Variants in ITIH2 observed in about 807,000 individuals in gnomAD.
ITIH2 encodes the protein inter-alpha-trypsin inhibitor heavy chain 2, also known as inter-alpha-trypsin inhibitor heavy chain H2.
ITIH2 carries 103 observed loss-of-function variants against 104.4 expected under a neutral mutation model. The ratio of observed to expected loss-of-function variants is 0.99; its 90% confidence interval spans 0.84 to 1.16. ITIH2 has a LOEUF of 1.16. Among genes scored for constraint, ITIH2 ranks in the 50% most tolerant of loss-of-function variants. ITIH2 has a pLI of 0.00. For missense variants in ITIH2, 1,108 were observed against 1,162.4 expected, an observed-to-expected ratio of 0.95 and a Z score of 0.68; for synonymous variants, 436 against 435.4, an observed-to-expected ratio of 1.00 and a Z score of -0.02.
At position 7,720,889 on chromosome 10, in the gene ITIH2, A is replaced by G. The variant is rs1554765721; in HGVS notation, c.664A>G (p.Arg222Gly). The change falls in exon 7 of 21, where the codon AGA (arginine) becomes GGA (glycine). Residue 222 changes from arginine to glycine, a missense_variant. Transcript: ENST00000358415. ...GTGGGTTATCGAACCACAGGGACTG[A>G]GATTTCTTCATGTTCCCGACACATT... ...DVWVIEPQGL[R>G]FLHVPDTFEG... 6.2e-7 allele frequency: 1 copy of G among 1,613,532 alleles called. No homozygotes were observed. Among genetic ancestry groups the G allele is most frequent in the Non-Finnish European group, 8.5e-7 (1 of 1,179,464 alleles).
Position 7,731,912 on chromosome 10 carries a change from C to T in ITIH2, c.1563C>T (p.Tyr521=). 1 of 1,613,938 alleles carries T rather than the reference C, an allele frequency of 6.2e-7. No individual in the cohort carries two copies. The highest frequency in any genetic ancestry group is 8.5e-7 in the Non-Finnish European group (1 of 1,179,824). The change falls in exon 13 of 21, where the codon TAC becomes TAT. Residue 521 remains tyrosine, a synonymous_variant. Coordinates refer to ENST00000358415, the MANE Select transcript of ITIH2 (RefSeq NM_002216.3). ...TCACTCAAAACAATTTCCATAACTACTTTGGAGGCTCAGAGATTGTGGTGG... is the reference window on the plus strand; with the variant it reads ...TCACTCAAAACAATTTCCATAACTATTTTGGAGGCTCAGAGATTGTGGTGG... The part of the protein sequence containing the change: ...TDVTQNNFHN[Y]FGGSEIVVAG...
At position 7,732,339 on chromosome 10, in the gene ITIH2, C is replaced by T. The variant is rs763491223; in HGVS notation, c.1649C>T (p.Ala550Val). ...TCAACTGAACCTTCCATCATCTAGG[C>T]TAACACGCAGTTAGTCTTGGAGACC... The part of the protein sequence containing the change: ...QIESVITATS[A>V]NTQLVLETLA... The change falls in exon 14 of 21, where the codon GCT (alanine) becomes GTT (valine). Residue 550 changes from alanine (A) to valine (V), a missense_variant and splice_region_variant. Ala to Val is a moderately conservative substitution (Grantham distance 64). Coordinates refer to ENST00000358415, the MANE Select transcript of ITIH2 (RefSeq NM_002216.3). 1 of 1,613,196 alleles carries T rather than the reference C, an allele frequency of 6.2e-7. No individual in the cohort carries two copies. The highest frequency in any genetic ancestry group is 1.3e-5 in the African/African-American group (1 of 75,038).
chr10:7,745,818 A>G (rs1261178991), intron 19 of ITIH2, among the ~76,000 whole-genome samples: 1 of 151,258 alleles, frequency 6.6e-6, no homozygotes, highest in African/African-American at 2.4e-5. Context: ...GCAGTGGCGC[A>G]ATCTCGGCTC....
chr10:7,732,488 A>G lies in ITIH2; in HGVS notation c.1787+11A>G, dbSNP rs756554348. 1.2e-6 allele frequency: 2 copies of G among 1,609,214 alleles called. No individual in the cohort carries two copies. The highest frequency in any genetic ancestry group is 1.7e-6 in the Non-Finnish European group (2 of 1,175,856). ...ACTGCTAGCTGAACGGTAAGAAGAG[A>G]AGAGTACCCACACCACGAGATCTGC... On this transcript the variant is annotated intron_variant, in intron 14 of 20. Coordinates refer to ENST00000358415, the MANE Select transcript of ITIH2 (RefSeq NM_002216.3).
chr10:7,708,775 C>T (rs993299877), intron 3 of ITIH2, among the ~76,000 whole-genome samples: 1 of 152,106 alleles, frequency 6.6e-6, no homozygotes, highest in East Asian at 1.9e-4. Flanking sequence ...TTTATAGACT[C>T]ATAGGGCTGA....
At chr10:7,707,803 G>A (rs560055657) in intron 3 of ITIH2, among the ~76,000 whole-genome samples, 8 of 152,272 alleles carry the variant, frequency 5.3e-5, no homozygotes, top group African/African-American at 1.9e-4. Flanking sequence ...GACCTCGGGT[G>A]ATCCACCTCC....
chr10:7,735,226 C>T (rs561223254), intron 15 of ITIH2, 135 bp downstream of exon 15: 1 of 682,178 alleles, frequency 1.5e-6, no homozygotes, highest in Non-Finnish European at 2.3e-6. Flanking sequence ...TGTGCCCAAG[C>T]TCTTCCTGCC....
chr10:7,744,135 C>T lies in ITIH2; in HGVS notation c.2263C>T (p.Leu755=). The T allele has an allele frequency of 6.2e-7, 1 of 1,614,064 alleles. No individual in the cohort carries two copies. Residue 755 remains leucine (L), a synonymous_variant, in exon 18 of 21, where the codon CTA becomes TTA. Coordinates refer to ENST00000358415, the MANE Select transcript of ITIH2 (RefSeq NM_002216.3). The part of the protein sequence containing the change: ...VGAKKPNNGK[L]STYFGKLGFY... The stretch of plus-strand genomic sequence containing the variant: ...TGCCAAGAAGCCCAACAATGGAAAA[C>T]TAAGCACCTATTTTGGAAAACTGGG...
intron 8 of ITIH2, among the ~76,000 whole-genome samples, chr10:7,722,267 CTT>C (rs1834911549): frequency 6.6e-6 from 1 of 152,052 alleles, no homozygotes; most frequent in Admixed American, 6.5e-5. Context: ...GGTGAGGACT[CTT>C]AGAACGTACG....
At chr10:7,734,643 C>T (rs968818417) in intron 14 of ITIH2, among the ~76,000 whole-genome samples, 6 of 152,036 alleles carry the variant, frequency 3.9e-5, no homozygotes, top group Non-Finnish European at 5.9e-5. Flanking sequence ...TGCAGAGAAC[C>T]GTGATTGTGC....
At position 7,743,376 on chromosome 10, in the gene ITIH2, T is replaced by G. The variant is rs117938968; in HGVS notation, c.2209+117T>G. 2,983 of 595,984 alleles carry G rather than the reference T, an allele frequency of 5.0e-3. 73 individuals carry two copies. Among genetic ancestry groups the G allele is most frequent in the East Asian group, 0.046 (1,462 of 31,864 alleles). 36.9% of individuals were successfully genotyped at this position (595,984 alleles called of 1,614,324 possible). ...GAAGTTCTATATATTTCAGTGATAT[T>G]AGTGAGAAATTAAATTATAAATATA... On this transcript the variant is annotated intron_variant, in intron 17 of 20. Transcript: ENST00000358415.
At chr10:7,749,094 C>T in intron 20 of ITIH2, 93 bp from the exon 21 acceptor site, 5 of 1,307,874 alleles carry the variant, frequency 3.8e-6, no homozygotes, top group Middle Eastern at 2.2e-4. Flanking sequence ...GATGTGGTGA[C>T]AGAAGGAACA....
At position 7,727,689 on chromosome 10, in the gene ITIH2, T is replaced by G; in HGVS notation, c.1154-14T>G. The G allele has an allele frequency of 1.2e-6, 2 of 1,613,798 alleles. No homozygotes were observed. Among genetic ancestry groups the G allele is most frequent in the Non-Finnish European group, 1.7e-6 (2 of 1,179,756 alleles). On this transcript the variant is annotated splice_polypyrimidine_tract_variant and intron_variant, in intron 10 of 20. Transcript: ENST00000358415. ...AGAACGCATACCCAACGTTTCATTA[T>G]GCTACTTCAACAGGCACAAACATCA... is the stretch of plus-strand genomic sequence containing the variant.
At chr10:7,743,373 T>C (rs1319981067) in intron 17 of ITIH2, 114 bp downstream of exon 17, 2 of 609,006 alleles carry the variant, frequency 3.3e-6, no homozygotes, top group Non-Finnish European at 5.8e-6. Context: ...ATTTCAGTGA[T>C]ATTAGTGAGA....
In ITIH2 at chr10:7,721,631, T is replaced by G; in HGVS notation, c.739-18T>G. The G allele has an allele frequency of 1.2e-6, 2 of 1,611,230 alleles. No homozygotes were observed. The highest frequency in any genetic ancestry group is 1.7e-6 in the Non-Finnish European group (2 of 1,178,158). On this transcript the variant is annotated intron_variant, in intron 7 of 20. Coordinates refer to ENST00000358415, the MANE Select transcript of ITIH2 (RefSeq NM_002216.3). ...AAGGGGCTAGAGGCAGAGGCTCTGATGTCACCGTTCTTTCTAGGCGCACGT... is the reference window on the plus strand; with the variant it reads ...AAGGGGCTAGAGGCAGAGGCTCTGAGGTCACCGTTCTTTCTAGGCGCACGT...
chr10:7,731,320 CA>C (rs1564303680), intron 12 of ITIH2, among the ~76,000 whole-genome samples: 1 of 152,206 alleles, frequency 6.6e-6, no homozygotes, highest in African/African-American at 2.4e-5. Flanking sequence ...ATGTTCTCAA[CA>C]AGTCTTTGTC....
In ITIH2 at chr10:7,738,799, G is replaced by A. The variant is rs553103141; in HGVS notation, c.2095+41G>A. ...TGCTTGCACGTCCCAGAACTCAGCCGACCATAATCCTGGGAAGCATTGTGT... is the reference window on the plus strand; with the variant it reads ...TGCTTGCACGTCCCAGAACTCAGCCAACCATAATCCTGGGAAGCATTGTGT... On this transcript the variant is annotated intron_variant, in intron 16 of 20. Transcript: ENST00000358415. 19 of 1,529,100 alleles carry A rather than the reference G, an allele frequency of 1.2e-5. No homozygotes were observed. The African/African-American group carries it at 1.5e-4, about 12-fold the overall frequency. The allele number at this position is 1,529,100 out of a possible 1,614,324, so 94.7% of individuals were successfully genotyped here.
intron 10 of ITIH2, 114 bp from the exon 11 acceptor site, chr10:7,727,589 C>T (rs1214030461): frequency 6.9e-5 from 85 of 1,235,676 alleles, no homozygotes; most frequent in Non-Finnish European, 9.0e-5. Context: ...ATGATTTTGG[C>T]ATGGAATAAG....
At chr10:7,747,158 G>A (rs1217668959) in intron 20 of ITIH2, among the ~76,000 whole-genome samples, 1 of 152,116 alleles carries the variant, frequency 6.6e-6, no homozygotes, top group Admixed American at 6.5e-5. Context: ...TGCTTCATCT[G>A]AAGTGAGAAC....
Sources: allele counts gnomAD v4.1 joint callset (sites outside exome capture counted in the v4.1 genomes callset), GRCh38; gene constraint gnomAD v4.1.1; transcripts MANE v1.5; gene names NCBI Gene and HGNC (gene_info 2026-07-23, HGNC 2026-07-21).